The following SDK1 variants were observed in gnomAD, a reference collection of about 807,000 sequenced individuals.
The protein encoded by SDK1 is protein sidekick-1.
In SDK1, 157 loss-of-function variants were observed where a neutral mutation model predicts 245.5. The observed-to-expected ratio is 0.64, with a 90% CI of 0.56 to 0.73. The LOEUF (loss-of-function observed/expected upper bound fraction) is 0.73, where lower values mean the gene tolerates loss of function less well. Among genes scored for constraint, SDK1 ranks in the 30% least tolerant of loss-of-function variants. The pLI is 0.00. For missense variants in SDK1, 3,583 were observed against 3,002.3 expected (o/e 1.19, Z -4.52); for synonymous variants, 1,647 against 1,278.5 (o/e 1.29, Z -6.15).
At chr7:3,346,672 T>A (rs1490725106) in intron 1 of SDK1, among the ~76,000 whole-genome samples, 1 of 147,182 alleles carries the variant, frequency 6.8e-6, no homozygotes, top group Non-Finnish European at 1.5e-5. Flanking sequence ...GTTTCTTTTT[T>A]TTTTTTTGGT....
rs375193084 is a variant in SDK1 at position 3,449,515 on chromosome 7, T to C, written c.298+147631T>C. Among the ~76,000 whole-genome samples, 14 of 152,346 alleles carry C rather than the reference T, an allele frequency of 9.2e-5. No homozygotes were observed. In the South Asian group the frequency reaches 2.3e-3, roughly 25 times the overall value. On this transcript the variant is annotated intron_variant, in intron 1 of 44. Transcript: ENST00000404826. ...ACAGATTTGAGAAGATTTGACTATATGTTGAATTAGGTTAGATCATCTTTA... is the reference window on the plus strand; with the variant it reads ...ACAGATTTGAGAAGATTTGACTATACGTTGAATTAGGTTAGATCATCTTTA...
intron 1 of SDK1, among the ~76,000 whole-genome samples, chr7:3,533,579 C>T (rs190143770): frequency 1.3e-5 from 2 of 152,262 alleles, no homozygotes; most frequent in Non-Finnish European, 2.9e-5. Flanking sequence ...TGAAAAATGG[C>T]AGTACTGGGT....
At chr7:3,942,589 T>TGTG (rs1554285621) in intron 5 of SDK1, among the ~76,000 whole-genome samples, 2 of 128,450 alleles carry the variant, frequency 1.6e-5, no homozygotes, top group Non-Finnish European at 3.3e-5. Context: ...TGTGTGTGTG[T>TGTG]TTTAAAAAAA....
At chr7:4,102,805 G>A (rs988341101) in intron 22 of SDK1, among the ~76,000 whole-genome samples, 10 of 152,146 alleles carry the variant, frequency 6.6e-5, no homozygotes, top group Admixed American at 1.3e-4. Context: ...GCTGCGTGGC[G>A]GGCGGCAGCA....
At chr7:3,362,511 A>G (rs766184727) in intron 1 of SDK1, among the ~76,000 whole-genome samples, 1 of 152,174 alleles carries the variant, frequency 6.6e-6, no homozygotes, top group Non-Finnish European at 1.5e-5. Context: ...CCAATTTTGC[A>G]TATTTTTTCC....
At chr7:4,042,802 C>T (rs1416706451) in intron 17 of SDK1, among the ~76,000 whole-genome samples, 1 of 152,160 alleles carries the variant, frequency 6.6e-6, no homozygotes, top group African/African-American at 2.4e-5. Context: ...CAGCCATAAC[C>T]ACTCTTTTAT....
intron 4 of SDK1, among the ~76,000 whole-genome samples, chr7:3,804,342 G>C (rs1356742525): frequency 6.6e-6 from 1 of 152,096 alleles, no homozygotes; most frequent in Non-Finnish European, 1.5e-5. Flanking sequence ...TTGTTAAAAA[G>C]ACTTCCCTTC....
At chr7:3,384,462 T>A (rs559047924) in intron 1 of SDK1, among the ~76,000 whole-genome samples, 1 of 152,252 alleles carries the variant, frequency 6.6e-6, no homozygotes, top group African/African-American at 2.4e-5. Flanking sequence ...TTTAGAAGAG[T>A]CACAGTGTAT....
At chr7:3,314,204 T>A (rs1779612201) in intron 1 of SDK1, among the ~76,000 whole-genome samples, 1 of 152,110 alleles carries the variant, frequency 6.6e-6, no homozygotes, top group Non-Finnish European at 1.5e-5. Context: ...GGGACTCAGA[T>A]TGGCACGTGG....
At chr7:3,920,508 G>A (rs145767508) in intron 5 of SDK1, among the ~76,000 whole-genome samples, 1,657 of 152,192 alleles carry the variant, frequency 0.011, 21 homozygotes, top group Admixed American at 0.033. Flanking sequence ...AGAGGAGTGA[G>A]GGTGATCTTT....
intron 5 of SDK1, among the ~76,000 whole-genome samples, chr7:3,840,459 A>G (rs1411674504): frequency 1.3e-5 from 2 of 152,064 alleles, no homozygotes; most frequent in African/African-American, 2.4e-5. Context: ...CAGGGTTGTG[A>G]ATTATCGGAC....
intron 1 of SDK1, among the ~76,000 whole-genome samples, chr7:3,535,698 C>T (rs965898536): frequency 2.6e-5 from 4 of 152,146 alleles, no homozygotes; most frequent in Admixed American, 2.0e-4. Flanking sequence ...CAGATGTTTT[C>T]TGTGTATGTA....
intron 31 of SDK1, among the ~76,000 whole-genome samples, chr7:4,160,459 G>A (rs1424193267): frequency 2.0e-5 from 3 of 152,118 alleles, no homozygotes; most frequent in Non-Finnish European, 2.9e-5. Flanking sequence ...CACCTATCTT[G>A]TCATCGCCTT....
intron 1 of SDK1, among the ~76,000 whole-genome samples, chr7:3,372,779 C>T (rs1003993937): frequency 3.9e-5 from 6 of 152,248 alleles, no homozygotes; most frequent in Admixed American, 2.6e-4. Flanking sequence ...TGTAGGAGAG[C>T]GTGCATTGCA....
intron 1 of SDK1, among the ~76,000 whole-genome samples, chr7:3,421,747 T>C (rs1185894894): frequency 2.0e-5 from 3 of 152,126 alleles, no homozygotes; most frequent in Non-Finnish European, 4.4e-5. Context: ...ATGTCAAAAG[T>C]CATAACTCCT....
chr7:3,355,091 TTTG>T (rs1473613647), intron 1 of SDK1, among the ~76,000 whole-genome samples: 2 of 152,260 alleles, frequency 1.3e-5, no homozygotes, highest in African/African-American at 4.8e-5. Context: ...AGTCATGTTA[TTTG>T]TTAATTCCAT....
chr7:3,577,019 G>T (rs2128631386), intron 1 of SDK1, among the ~76,000 whole-genome samples: 1 of 152,056 alleles, frequency 6.6e-6, no homozygotes, highest in African/African-American at 2.4e-5. Context: ...CGATGCCCTT[G>T]TGGCCACCCC....
chr7:3,863,774 T>G (rs922054409), intron 5 of SDK1, among the ~76,000 whole-genome samples: 2 of 152,228 alleles, frequency 1.3e-5, no homozygotes, highest in African/African-American at 2.4e-5. Context: ...ATTCCTTCCC[T>G]GTTAAGGCTG....
At chr7:3,728,650 G>C (rs1235920880) in intron 4 of SDK1, among the ~76,000 whole-genome samples, 2 of 152,174 alleles carry the variant, frequency 1.3e-5, no homozygotes, top group Admixed American at 6.5e-5. Context: ...CTGTCGGCCT[G>C]ACTGGATTAC....
Sources: allele counts gnomAD v4.1 joint callset (sites outside exome capture counted in the v4.1 genomes callset), GRCh38; gene constraint gnomAD v4.1.1; transcripts MANE v1.5; gene names NCBI Gene and HGNC (gene_info 2026-07-23, HGNC 2026-07-21).